The following CD38 variants were observed in gnomAD, a reference collection of about 807,000 sequenced individuals.
CD38 encodes the protein ADP-ribosyl cyclase/cyclic ADP-ribose hydrolase 1.
CD38 carries 31 observed loss-of-function variants against 36.3 expected under a neutral mutation model. The ratio of observed to expected loss-of-function variants is 0.85; its 90% CI spans 0.64 to 1.15. The LOEUF is 1.15. Ranked by LOEUF, CD38 falls within the 50% of genes most tolerant of loss-of-function variation. The probability of loss-of-function intolerance (pLI) is 0.00; values close to 1 mark genes in which losing one functional copy is unlikely to be tolerated. For missense variants in CD38, 380 were observed against 371.9 expected (o/e 1.02, Z -0.18); for synonymous variants, 131 against 135.2 (o/e 0.97, Z 0.22).
At chr4:15,792,497 AGT>A (rs1723026836) in intron 1 of CD38, among the ~76,000 whole-genome samples, 1 of 151,786 alleles carries the variant, frequency 6.6e-6, no homozygotes, top group South Asian at 2.1e-4. Context: ...CAAGCCAGCC[AGT>A]GTGTTTGGAA....
At chr4:15,820,853 C>T (rs1560315326) in intron 2 of CD38, among the ~76,000 whole-genome samples, 1 of 152,214 alleles carries the variant, frequency 6.6e-6, no homozygotes, top group Non-Finnish European at 1.5e-5. Flanking sequence ...TGGATATCTA[C>T]TGAAGTCTCC....
chr4:15,791,022 GCC>G (rs1359300618), intron 1 of CD38, among the ~76,000 whole-genome samples: 1 of 143,076 alleles, frequency 7.0e-6, no homozygotes, highest in Non-Finnish European at 1.5e-5. Flanking sequence ...CCGCCCGGCA[GCC>G]ACCCCGTCCG....
At chr4:15,780,406 C>T (rs1010395928) in intron 1 of CD38, among the ~76,000 whole-genome samples, 1 of 151,982 alleles carries the variant, frequency 6.6e-6, no homozygotes, top group Non-Finnish European at 1.5e-5. Context: ...GTTTATTTGC[C>T]ATTTATATTT....
intron 1 of CD38, among the ~76,000 whole-genome samples, chr4:15,802,991 C>T (rs1173296898): frequency 2.0e-5 from 3 of 152,124 alleles, no homozygotes; most frequent in Non-Finnish European, 4.4e-5. Context: ...AATAAATTCA[C>T]ATATTTATGG....
intron 1 of CD38, among the ~76,000 whole-genome samples, chr4:15,802,339 A>G (rs1312431713): frequency 6.6e-6 from 1 of 152,070 alleles, no homozygotes; most frequent in Non-Finnish European, 1.5e-5. Context: ...GGAAAAATTA[A>G]TATTGTTAAG....
At chr4:15,841,798 C>G (rs1011024017) in intron 7 of CD38, among the ~76,000 whole-genome samples, 36 of 141,496 alleles carry the variant, frequency 2.5e-4, no homozygotes, top group Non-Finnish European at 5.3e-4. Context: ...AAAGGGGTGA[C>G]GGACGCACCT....
chr4:15,839,517 A>G (rs760417790), intron 5 of CD38, among the ~76,000 whole-genome samples: 97 of 134,714 alleles, frequency 7.2e-4, no homozygotes, highest in Non-Finnish European at 1.1e-3. Context: ...TCAGCCTCCC[A>G]GGTTCACGCC....
At chr4:15,797,118 T>G (rs1177141747) in intron 1 of CD38, among the ~76,000 whole-genome samples, 1 of 152,212 alleles carries the variant, frequency 6.6e-6, no homozygotes, top group Non-Finnish European at 1.5e-5. Flanking sequence ...CCAGAGTATC[T>G]TCAAATTTTC....
At chr4:15,824,671 T>C (rs963639003) in intron 2 of CD38, among the ~76,000 whole-genome samples, 1 of 140,578 alleles carries the variant, frequency 7.1e-6, no homozygotes, top group African/African-American at 2.9e-5. Flanking sequence ...TCATTTACAT[T>C]GTGACCTAGA....
chr4:15,812,366 C>G (rs1723492465), intron 1 of CD38, among the ~76,000 whole-genome samples: 1 of 152,116 alleles, frequency 6.6e-6, no homozygotes, highest in Admixed American at 6.5e-5. Flanking sequence ...TACATTGAAG[C>G]TGTAAATCAG....
At chr4:15,847,650 T>C (rs973340005) in intron 7 of CD38, among the ~76,000 whole-genome samples, 1 of 118,648 alleles carries the variant, frequency 8.4e-6, no homozygotes, top group Admixed American at 8.9e-5. Context: ...CTGACGAGTC[T>C]AAGCTGTTCA....
At chr4:15,801,399 C>T (rs977726295) in intron 1 of CD38, among the ~76,000 whole-genome samples, 16 of 151,954 alleles carry the variant, frequency 1.1e-4, no homozygotes, top group African/African-American at 3.6e-4. Flanking sequence ...TCAAACTATT[C>T]CAAAAAATTG....
At chr4:15,791,548 C>T (rs1438056896) in intron 1 of CD38, among the ~76,000 whole-genome samples, 279 of 44,822 alleles carry the variant, frequency 6.2e-3, no homozygotes, top group Non-Finnish European at 7.4e-3. Flanking sequence ...GCCCCCCGCC[C>T]GGCCAGCCGC....
At chr4:15,839,370 C>T (rs1314984613) in intron 5 of CD38, among the ~76,000 whole-genome samples, 4 of 149,330 alleles carry the variant, frequency 2.7e-5, no homozygotes, top group Non-Finnish European at 4.4e-5. Context: ...GATTGTTCAA[C>T]TGCAGATCAT....
At chr4:15,794,646 G>A (rs1723071479) in intron 1 of CD38, among the ~76,000 whole-genome samples, 1 of 152,150 alleles carries the variant, frequency 6.6e-6, no homozygotes, top group Non-Finnish European at 1.5e-5. Context: ...GAAAAAAACA[G>A]AAGAGAGAGG....
Position 15,816,943 on chromosome 4 carries a change from G to A in CD38, c.363+303G>A, listed in dbSNP as rs577478877. On this transcript the variant is annotated intron_variant, in intron 2 of 7. Coordinates refer to ENST00000226279, the MANE Select transcript of CD38 (RefSeq NM_001775.4). ...CCAACTCGAACAAACAAATTAACAC[G>A]ACCTATATAATAACAAAACTTTCCC... 5.9e-5 allele frequency among the ~76,000 whole-genome samples: 9 copies of A among 152,288 alleles called. No individual in the cohort carries two copies. In the South Asian group the frequency reaches 6.2e-4, roughly 11 times the overall value.
chr4:15,815,498 C>T (rs1006921009), intron 1 of CD38, among the ~76,000 whole-genome samples: 2 of 151,892 alleles, frequency 1.3e-5, no homozygotes, highest in Non-Finnish European at 2.9e-5. Context: ...AAGTTGTATT[C>T]CTAGGTATTT....
intron 1 of CD38, among the ~76,000 whole-genome samples, chr4:15,789,430 A>G (rs1473223062): frequency 1.3e-5 from 2 of 152,176 alleles, no homozygotes; most frequent in East Asian, 3.9e-4. Flanking sequence ...GAACATCTTG[A>G]GGCACCGAGT....
At chr4:15,805,215 T>G (rs1364115745) in intron 1 of CD38, among the ~76,000 whole-genome samples, 1 of 152,202 alleles carries the variant, frequency 6.6e-6, no homozygotes. Context: ...TTTTAAAAAC[T>G]TTTAAAAAAC....
Sources: gnomAD v4.1 joint callset for allele counts (sites outside exome capture counted in the v4.1 genomes callset) on GRCh38, gnomAD v4.1.1 for gene constraint, MANE v1.5 for transcripts, NCBI Gene and HGNC (gene_info 2026-07-23, HGNC 2026-07-21) for gene names.